The following KAZN variants were observed in gnomAD, a reference collection of about 807,000 sequenced individuals.
The protein encoded by KAZN is kazrin.
Under a neutral mutation model 87.4 loss-of-function variants are expected in KAZN, and 40 were observed. The observed-to-expected ratio is 0.46, with a 90% confidence interval of 0.36 to 0.60. The LOEUF is 0.60. Among genes scored for constraint, KAZN ranks in the 20% least tolerant of loss-of-function variants. KAZN has a pLI of 0.00. For synonymous variants in KAZN, 466 were observed against 458.3 expected (o/e 1.02, Z -0.22); for missense variants, 898 against 1,073.9 (o/e 0.84, Z 2.29).
chr1:14,544,281 C>T (rs1672987346), intron 2 of KAZN, among the ~76,000 whole-genome samples: 3 of 147,588 alleles, frequency 2.0e-5, no homozygotes, highest in South Asian at 4.3e-4. Context: ...TAAGAACTGA[C>T]ATGCAGACAA....
intron 1 of KAZN, among the ~76,000 whole-genome samples, chr1:14,743,362 G>T (rs766524073): frequency 6.6e-6 from 1 of 151,942 alleles, no homozygotes; most frequent in Non-Finnish European, 1.5e-5. Flanking sequence ...CCTGGGAGGC[G>T]GAGGTTACAG....
chr1:15,016,756 G>C (rs1670149974), intron 2 of KAZN, among the ~76,000 whole-genome samples: 1 of 152,092 alleles, frequency 6.6e-6, no homozygotes, highest in Admixed American at 6.5e-5. Flanking sequence ...GCTGCCTCAG[G>C]GCCTTTGCAC....
At chr1:14,258,656 A>G (rs766566799) in intron 2 of KAZN, among the ~76,000 whole-genome samples, 1 of 152,188 alleles carries the variant, frequency 6.6e-6, no homozygotes, top group Non-Finnish European at 1.5e-5. Context: ...TCAGAATATT[A>G]AATTCATTTC....
intron 2 of KAZN, among the ~76,000 whole-genome samples, chr1:14,551,414 C>G (rs1571915406): frequency 1.3e-5 from 2 of 152,296 alleles, no homozygotes; most frequent in Middle Eastern, 3.4e-3. Flanking sequence ...TTTGGGACAT[C>G]TCTATTTACG....
chr1:13,893,802 A>G, intron 1 of KAZN: 1 of 1,545,700 alleles, frequency 6.5e-7, no homozygotes, highest in Non-Finnish European at 8.7e-7. Context: ...TGGGAAGTGG[A>G]GCGTTATCCC....
chr1:14,766,298 C>A (rs1004464642), intron 1 of KAZN, among the ~76,000 whole-genome samples: 1 of 151,980 alleles, frequency 6.6e-6, no homozygotes, highest in Admixed American at 6.5e-5. Flanking sequence ...TGGATGCTGG[C>A]AGCTGGAAGT....
intron 1 of KAZN, among the ~76,000 whole-genome samples, chr1:14,840,471 A>G (rs924499077): frequency 1.3e-5 from 2 of 152,250 alleles, no homozygotes; most frequent in Admixed American, 6.5e-5. Flanking sequence ...TCTCTCAAAC[A>G]TGAACCCAAG....
At chr1:13,929,994 C>A (rs1359762030) in intron 1 of KAZN, among the ~76,000 whole-genome samples, 1 of 152,172 alleles carries the variant, frequency 6.6e-6, no homozygotes, top group Non-Finnish European at 1.5e-5. Flanking sequence ...TGAACTCAGG[C>A]AATCAGTCTT....
At chr1:13,919,420 G>A (rs540150218) in intron 1 of KAZN, among the ~76,000 whole-genome samples, 1 of 152,306 alleles carries the variant, frequency 6.6e-6, no homozygotes, top group East Asian at 1.9e-4. Flanking sequence ...TCTGCAGTAT[G>A]AGCATATCAC....
intron 2 of KAZN, among the ~76,000 whole-genome samples, chr1:14,289,070 T>C (rs1488474061): frequency 6.6e-6 from 1 of 152,232 alleles, no homozygotes; most frequent in Non-Finnish European, 1.5e-5. Flanking sequence ...TTTCTGTTCT[T>C]TTACATTTGC....
intron 2 of KAZN, among the ~76,000 whole-genome samples, chr1:14,421,613 A>C (rs1258805815): frequency 6.6e-6 from 1 of 152,232 alleles, no homozygotes; most frequent in Non-Finnish European, 1.5e-5. Context: ...TAGAAACATA[A>C]GCCGACTTAT....
chr1:15,012,577 A>G (rs1025365272), intron 2 of KAZN, among the ~76,000 whole-genome samples: 2 of 152,220 alleles, frequency 1.3e-5, no homozygotes, highest in African/African-American at 4.8e-5. Context: ...TCAAGGAGAT[A>G]AGAAGACACA....
At chr1:15,105,211 G>GT (rs1207628570) in intron 13 of KAZN, among the ~76,000 whole-genome samples, 1 of 152,186 alleles carries the variant, frequency 6.6e-6, no homozygotes, top group East Asian at 1.9e-4. Context: ...CCTCTTCTGG[G>GT]TTTTGGAAAA....
rs1317166042 is a variant in KAZN, at chr1:14,531,197, A to C, written c.250-67786A>C. 3.3e-5 allele frequency among the ~76,000 whole-genome samples: 5 copies of C among 152,166 alleles called. 1 individual carries two copies. The highest frequency in any genetic ancestry group is 2.0e-4 in the Admixed American group (3 of 15,276). On this transcript the variant is annotated intron_variant, in intron 2 of 16. Transcript: ENST00000636203. ...CATCCCATCCACTACAGAGCCCAAG[A>C]CTCAGCTGTGCAAATTGTCACTTAT...
Position 14,981,289 on chromosome 1 carries a change from C to T in KAZN, c.418+20414C>T, listed in dbSNP as rs144433119. Among the ~76,000 whole-genome samples, 162 of 152,320 alleles carry T rather than the reference C, an allele frequency of 1.1e-3. 1 individual carries two copies. Among genetic ancestry groups the T allele is most frequent in the Non-Finnish European group, 2.4e-4 (16 of 68,040 alleles). On this transcript the variant is annotated intron_variant, in intron 2 of 14. Transcript: ENST00000376030. ...AAAACGGATTTTTAAATTTCAAGTGCGTGCTTGACCCAGTAGCACAGTTCT... is the reference window on the plus strand; with the variant it reads ...AAAACGGATTTTTAAATTTCAAGTGTGTGCTTGACCCAGTAGCACAGTTCT...
At chr1:14,451,538 A>C (rs4436386) in intron 2 of KAZN, among the ~76,000 whole-genome samples, 41,378 of 151,702 alleles carry the variant, frequency 0.27, 6,621 homozygotes, top group Middle Eastern at 0.45. Context: ...AACAGAACCC[A>C]CCTATGTTCT....
chr1:14,419,237 G>C (rs1049479593), intron 2 of KAZN, among the ~76,000 whole-genome samples: 2 of 150,718 alleles, frequency 1.3e-5, no homozygotes, highest in African/African-American at 4.8e-5. Flanking sequence ...CATTTTAAAA[G>C]TAAGTAAACT....
chr1:13,916,870 G>A (rs558746025), intron 1 of KAZN, among the ~76,000 whole-genome samples: 10 of 152,184 alleles, frequency 6.6e-5, no homozygotes, highest in East Asian at 1.9e-4. Context: ...GAGTGGGCTC[G>A]GGGAGAATGG....
At chr1:14,707,077 T>A (rs921134017) in intron 1 of KAZN, among the ~76,000 whole-genome samples, 2 of 152,232 alleles carry the variant, frequency 1.3e-5, no homozygotes, top group Non-Finnish European at 1.5e-5. Context: ...CCTAATGGTT[T>A]CAACCTGTGT....
Sources: gnomAD v4.1 joint callset for allele counts (sites outside exome capture counted in the v4.1 genomes callset) on GRCh38, gnomAD v4.1.1 for gene constraint, MANE v1.5 for transcripts, NCBI Gene and HGNC (gene_info 2026-07-23, HGNC 2026-07-21) for gene names.